The following RALGPS2 variants were observed in gnomAD, a reference collection of about 807,000 sequenced individuals.
RALGPS2 encodes Ral GEF with PH domain and SH3 binding motif 2, also known as ras-specific guanine nucleotide-releasing factor RalGPS2.
Under a neutral mutation model 86.8 loss-of-function variants are expected in RALGPS2, and 43 were observed. The ratio of observed to expected loss-of-function variants is 0.50; its 90% CI spans 0.39 to 0.64. The LOEUF (loss-of-function observed/expected upper bound fraction) is 0.64, where lower values mean the gene tolerates loss of function less well. Ranked by LOEUF, RALGPS2 falls within the 30% of genes least tolerant of loss-of-function variation. RALGPS2 has a pLI of 0.00. For synonymous variants in RALGPS2, 243 were observed against 231.3 expected, an observed-to-expected ratio of 1.05 and a Z score of -0.46; for missense variants, 536 against 694.6, an observed-to-expected ratio of 0.77 and a Z score of 2.57.
intron 13 of RALGPS2, among the ~76,000 whole-genome samples, chr1:178,887,820 A>G (rs1165183829): frequency 3.9e-5 from 6 of 152,236 alleles, no homozygotes; most frequent in Non-Finnish European, 5.9e-5. Context: ...CAATGTTCTA[A>G]GTTGCCTATA....
At chr1:178,785,660 A>T in intron 4 of RALGPS2, 53 bp downstream of exon 4, 1 of 1,522,038 alleles carries the variant, frequency 6.6e-7, no homozygotes, top group East Asian at 2.4e-5. Context: ...TCAATCTCAA[A>T]TTAAGTGTTT....
chr1:178,730,692 CTGTTTTTTTTTT>C (rs1025518661), intron 1 of RALGPS2, among the ~76,000 whole-genome samples: 35 of 148,352 alleles, frequency 2.4e-4, no homozygotes, highest in Middle Eastern at 7.1e-3. Flanking sequence ...TCTGAGAATT[CTGTTTTTTTTTT>C]TGTTTTTTTT....
At chr1:178,910,287 G>A (rs1660572256) in intron 19 of RALGPS2, among the ~76,000 whole-genome samples, 1 of 152,098 alleles carries the variant, frequency 6.6e-6, no homozygotes, top group Non-Finnish European at 1.5e-5. Context: ...GGGACCTCCA[G>A]TAAGTATTAT....
intron 6 of RALGPS2, among the ~76,000 whole-genome samples, chr1:178,811,629 G>A (rs1654979851): frequency 6.6e-6 from 1 of 151,974 alleles, no homozygotes; most frequent in Admixed American, 6.5e-5. Flanking sequence ...TCTCTGAGTA[G>A]CTGAATTATG....
intron 8 of RALGPS2, among the ~76,000 whole-genome samples, chr1:178,834,375 A>AT (rs1244960144): frequency 6.6e-6 from 1 of 152,138 alleles, no homozygotes; most frequent in Non-Finnish European, 1.5e-5. Context: ...CAAGATAGCT[A>AT]TTTCTGAGAG....
intron 16 of RALGPS2, among the ~76,000 whole-genome samples, chr1:178,894,492 A>C (rs1659855678): frequency 6.6e-6 from 1 of 152,004 alleles, no homozygotes; most frequent in African/African-American, 2.4e-5. Context: ...TTAAGGAAGC[A>C]GTGGGGAGTG....
chr1:178,915,239 T>C (rs1337046554), intron 19 of RALGPS2, among the ~76,000 whole-genome samples: 1 of 152,116 alleles, frequency 6.6e-6, no homozygotes, highest in East Asian at 1.9e-4. Context: ...ACAAGTTTCT[T>C]TTTTTTTCTT....
At chr1:178,738,231 T>A (rs998946141) in intron 1 of RALGPS2, among the ~76,000 whole-genome samples, 1 of 146,426 alleles carries the variant, frequency 6.8e-6, no homozygotes, top group African/African-American at 2.6e-5. Flanking sequence ...TTTTTTGAGT[T>A]AGAGTCTCAC....
At chr1:178,898,579 A>T (rs528979463) in intron 17 of RALGPS2, among the ~76,000 whole-genome samples, 1 of 151,956 alleles carries the variant, frequency 6.6e-6, no homozygotes, top group African/African-American at 2.4e-5. Context: ...GCCTTTCTTT[A>T]TCAGCTATAC....
At chr1:178,910,170 A>G (rs115775329) in intron 19 of RALGPS2, among the ~76,000 whole-genome samples, 191 of 152,286 alleles carry the variant, frequency 1.3e-3, no homozygotes, top group African/African-American at 4.3e-3. Flanking sequence ...GTCAGAGACT[A>G]TGGGGTTTTC....
Position 178,902,096 on chromosome 1 carries a change from T to TTTC in RALGPS2, c.1525-8_1525-6dup. ...TTTCTGTTTCCGCTAATTATCTTTT[T>TTTC]TTCTCTCAGTTCAAATCAACATCCA... On this transcript the variant is annotated splice_polypyrimidine_tract_variant and intron_variant, in intron 17 of 19. Transcript: ENST00000367635. 2 of 1,600,208 alleles carry TTTC rather than the reference T, an allele frequency of 1.2e-6. No homozygotes were observed. The highest frequency in any genetic ancestry group is 1.7e-6 in the Non-Finnish European group (2 of 1,168,188).
intron 8 of RALGPS2, among the ~76,000 whole-genome samples, chr1:178,848,308 C>A (rs1211221591): frequency 1.3e-5 from 2 of 151,316 alleles, no homozygotes; most frequent in African/African-American, 4.9e-5. Context: ...GGGACCCTGT[C>A]TAAAAAAAAA....
intron 18 of RALGPS2, among the ~76,000 whole-genome samples, chr1:178,903,232 T>G (rs552252510): frequency 6.6e-6 from 1 of 152,198 alleles, no homozygotes; most frequent in African/African-American, 2.4e-5. Flanking sequence ...ATCCCACTTT[T>G]ATGTTTCAGT....
intron 6 of RALGPS2, among the ~76,000 whole-genome samples, chr1:178,816,225 A>C (rs1655221837): frequency 1.3e-5 from 2 of 152,086 alleles, no homozygotes; most frequent in African/African-American, 4.8e-5. Context: ...GTTACTCCAC[A>C]CATCTTGCCA....
At chr1:178,879,095 G>A in intron 10 of RALGPS2, 103 bp downstream of exon 10, 1 of 1,460,024 alleles carries the variant, frequency 6.8e-7, no homozygotes, top group Non-Finnish European at 9.0e-7. Context: ...ATCATACAAA[G>A]GACTAATCCA....
intron 4 of RALGPS2, among the ~76,000 whole-genome samples, chr1:178,793,074 T>G (rs1051886372): frequency 2.0e-5 from 3 of 152,184 alleles, no homozygotes; most frequent in Admixed American, 1.3e-4. Flanking sequence ...ATTACTTAAT[T>G]TCACTTACTT....
intron 1 of RALGPS2, among the ~76,000 whole-genome samples, chr1:178,755,348 C>T (rs1329665411): frequency 6.6e-6 from 1 of 152,176 alleles, no homozygotes; most frequent in Non-Finnish European, 1.5e-5. Flanking sequence ...TCCCTCACTA[C>T]TCCTGCTGGT....
chr1:178,785,728 A>G (rs1471629915), intron 4 of RALGPS2, 121 bp downstream of exon 4: 1 of 1,283,356 alleles, frequency 7.8e-7, no homozygotes, highest in Non-Finnish European at 1.0e-6. Context: ...TTGTGTTGTA[A>G]CTTATCTACA....
In RALGPS2 at chr1:178,917,313, C is replaced by T. The variant is rs1660847408; in HGVS notation, c.*954C>T. On this transcript the variant is annotated 3_prime_UTR_variant, in exon 20 of 20. Transcript: ENST00000367635. ...CCCAGTCATAGGTGGTTTTTATCATCAAGACAGACTGATATTTTGTCAGGA... is the reference window on the plus strand; with the variant it reads ...CCCAGTCATAGGTGGTTTTTATCATTAAGACAGACTGATATTTTGTCAGGA... The T allele has an allele frequency of 6.6e-6, 1 of 152,094 alleles. No individual in the cohort carries two copies. Among genetic ancestry groups the T allele is most frequent in the African/African-American group, 2.4e-5 (1 of 41,438 alleles). 9.4% of individuals were successfully genotyped at this position (152,094 alleles called of 1,614,324 possible). A position where few individuals can be genotyped will look rare whatever the true frequency, so the allele number is the denominator to read the frequency against.
Sources: allele counts gnomAD v4.1 joint callset (sites outside exome capture counted in the v4.1 genomes callset), GRCh38; gene constraint gnomAD v4.1.1; transcripts MANE v1.5; gene names NCBI Gene and HGNC (gene_info 2026-07-23, HGNC 2026-07-21).